The following FAM237A variants were observed in gnomAD, a reference collection of about 807,000 sequenced individuals.
FAM237A encodes family with sequence similarity 237 member A.
Under a neutral mutation model 12.5 loss-of-function variants are expected in FAM237A, and 14 were observed. The ratio of observed to expected loss-of-function variants is 1.12; its 90% CI spans 0.74 to 1.75. The LOEUF (loss-of-function observed/expected upper bound fraction) is 1.75. Ranked by LOEUF, FAM237A falls within the 40% of genes most tolerant of loss-of-function variation. The probability of loss-of-function intolerance (pLI) is 0.00; values close to 1 mark genes in which losing one functional copy is unlikely to be tolerated. For synonymous variants in FAM237A, 85 were observed against 77.5 expected, an observed-to-expected ratio of 1.10 and a Z score of -0.51; for missense variants, 240 against 211.7, an observed-to-expected ratio of 1.13 and a Z score of -0.83.
intron 2 of FAM237A, among the ~76,000 whole-genome samples, chr2:206,646,830 A>G (rs1351821395): frequency 6.6e-6 from 1 of 152,176 alleles, no homozygotes; most frequent in Non-Finnish European, 1.5e-5. Flanking sequence ...GGATCCTCCA[A>G]TATTTTTTTT....
chr2:206,645,792 T>C (rs1699310147), intron 2 of FAM237A, among the ~76,000 whole-genome samples: 1 of 152,236 alleles, frequency 6.6e-6, no homozygotes, highest in African/African-American at 2.4e-5. Flanking sequence ...AGTGTTATTG[T>C]AACTCAAACC....
chr2:206,647,789 C>G (rs904538747), intron 2 of FAM237A, among the ~76,000 whole-genome samples: 1 of 151,982 alleles, frequency 6.6e-6, no homozygotes, highest in African/African-American at 2.4e-5. Context: ...GAAGTACATT[C>G]TTCTTTGTGT....
Position 206,649,322 on chromosome 2 carries a change from C to T in FAM237A, c.*528C>T, listed in dbSNP as rs930298746. 1.3e-5 allele frequency among the ~76,000 whole-genome samples: 2 copies of T among 152,104 alleles called. No homozygotes were observed. Among genetic ancestry groups the T allele is most frequent in the African/African-American group, 4.8e-5 (2 of 41,430 alleles). On this transcript the variant is annotated 3_prime_UTR_variant, in exon 3 of 3. Transcript: ENST00000441223. ...CAAAACAAAAAACTGGCAAATAAAG[C>T]ATTCTTCTAATGAAAACAAAATTAA...
At position 206,648,920 on chromosome 2, in the gene FAM237A, C is replaced by A. The variant is rs1699352108; in HGVS notation, c.*126C>A. On this transcript the variant is annotated 3_prime_UTR_variant, in exon 3 of 3. Coordinates refer to ENST00000441223, the MANE Select transcript of FAM237A (RefSeq NM_001102659.3). ...CCAGAGATAAATATGAACCCAAATTCTCTCAGTATACTAATTTAAAGCTGC... is the reference window on the plus strand; with the variant it reads ...CCAGAGATAAATATGAACCCAAATTATCTCAGTATACTAATTTAAAGCTGC... The A allele has an allele frequency of 6.1e-6, 4 of 651,848 alleles. No homozygotes were observed. The highest frequency in any genetic ancestry group is 9.1e-6 in the Non-Finnish European group (4 of 441,380). The allele number at this position is 651,848 out of a possible 1,614,324, so 40.4% of individuals were successfully genotyped here. A position where few individuals can be genotyped will look rare whatever the true frequency, so the allele number is the denominator to read the frequency against.
intron 2 of FAM237A, among the ~76,000 whole-genome samples, chr2:206,647,524 A>G (rs1699331411): frequency 6.6e-6 from 1 of 152,134 alleles, no homozygotes; most frequent in Non-Finnish European, 1.5e-5. Context: ...AGGTTGAAGT[A>G]TCCAAGAGAA....
At position 206,642,757 on chromosome 2, in the gene FAM237A, C is replaced by G. The variant is rs1022453102; in HGVS notation, c.-11+175C>G. Among the ~76,000 whole-genome samples the G allele has an allele frequency of 1.3e-5, 2 of 152,214 alleles. No homozygotes were observed. The highest frequency in any genetic ancestry group is 2.9e-5 in the Non-Finnish European group (2 of 68,034). The stretch of plus-strand genomic sequence containing the variant: ...CCTTTCCAGGGTCTGGGAAGCCTCT[C>G]CTAAAATTTAGAAGGGGACCTAAAG... On this transcript the variant is annotated intron_variant, in intron 1 of 2. Transcript: ENST00000441223. The surrounding 1 kb of genome is among the most constrained non-coding windows in gnomAD (Gnocchi z 5.1).
intron 2 of FAM237A, among the ~76,000 whole-genome samples, chr2:206,645,939 A>G (rs1419733066): frequency 2.0e-5 from 3 of 151,082 alleles, no homozygotes; most frequent in Non-Finnish European, 2.9e-5. Flanking sequence ...CAGCACCAGT[A>G]CAGACCATGG....
intron 1 of FAM237A, among the ~76,000 whole-genome samples, chr2:206,643,883 C>A (rs1320290714): frequency 3.3e-5 from 5 of 152,162 alleles, no homozygotes; most frequent in African/African-American, 9.7e-5. Context: ...TAAAGCCATG[C>A]AGCAAAATTT....
At chr2:206,643,145 T>A (rs1210927500) in intron 1 of FAM237A, among the ~76,000 whole-genome samples, 3 of 152,200 alleles carry the variant, frequency 2.0e-5, no homozygotes, top group Non-Finnish European at 4.4e-5. Flanking sequence ...CAACTTATGG[T>A]GTTATCATTA....
At chr2:206,645,766 G>A (rs888328586) in intron 2 of FAM237A, among the ~76,000 whole-genome samples, 1 of 152,078 alleles carries the variant, frequency 6.6e-6, no homozygotes, top group Non-Finnish European at 1.5e-5. Context: ...TTACAGATAA[G>A]TTTATTATTT....
intron 2 of FAM237A, among the ~76,000 whole-genome samples, chr2:206,648,333 G>T (rs1006177832): frequency 4.6e-5 from 7 of 151,996 alleles, no homozygotes; most frequent in African/African-American, 1.7e-4. Context: ...ATTTTGAGTG[G>T]TTTACATTTT....
chr2:206,643,761 A>G (rs926868324), intron 1 of FAM237A, among the ~76,000 whole-genome samples: 2 of 152,210 alleles, frequency 1.3e-5, no homozygotes, highest in Non-Finnish European at 2.9e-5. Flanking sequence ...TAAAAAAATT[A>G]AAAGTCACAG....
Position 206,642,546 on chromosome 2 carries a change from C to G in FAM237A, c.-47C>G, listed in dbSNP as rs956021481. 1 of 153,166 alleles carries G rather than the reference C, an allele frequency of 6.5e-6. No individual in the cohort carries two copies. Among genetic ancestry groups the G allele is most frequent in the Non-Finnish European group, 1.5e-5 (1 of 68,818 alleles). The allele number at this position is 153,166 out of a possible 1,614,324, so 9.5% of individuals were successfully genotyped here. On this transcript the variant is annotated 5_prime_UTR_variant, in exon 1 of 3. Transcript: ENST00000441223. This position sits in a 1 kb window ranked among gnomAD's most constrained non-coding sequence, Gnocchi z 5.1. ...AGGCGGGTGAGTGCGGAGGGAAGCC[C>G]TTGTGCCATCTGGGAGTAGAGCCGC... is the stretch of plus-strand genomic sequence containing the variant.
chr2:206,645,708 C>A (rs1699308957), intron 2 of FAM237A, among the ~76,000 whole-genome samples: 2 of 152,206 alleles, frequency 1.3e-5, no homozygotes, highest in South Asian at 4.1e-4. Flanking sequence ...AATTAAAAAT[C>A]CTCATGATTT....
intron 2 of FAM237A, 57 bp downstream of exon 2, chr2:206,644,705 G>A (rs1699296172): frequency 2.1e-6 from 3 of 1,444,306 alleles, no homozygotes; most frequent in Admixed American, 5.5e-5. Context: ...TGAATGTGCT[G>A]AATTGTGAGG....
At chr2:206,647,407 G>A (rs1193218437) in intron 2 of FAM237A, among the ~76,000 whole-genome samples, 1 of 152,108 alleles carries the variant, frequency 6.6e-6, no homozygotes. Flanking sequence ...ACAGTGATTA[G>A]CAGGAACAGA....
At chr2:206,643,831 A>C (rs4673359) in intron 1 of FAM237A, among the ~76,000 whole-genome samples, 12,288 of 152,316 alleles carry the variant, frequency 0.081, 698 homozygotes, top group East Asian at 0.25. Context: ...TATAAGTCCT[A>C]GATTAGGAGA....
At chr2:206,648,530 T>A in intron 2 of FAM237A, 131 bp from the exon 3 acceptor site, 1 of 894,226 alleles carries the variant, frequency 1.1e-6, no homozygotes, top group African/African-American at 1.7e-5. Flanking sequence ...TCCTCTGAAA[T>A]CAATTTATAG....
rs1699351996 is a variant in FAM237A, at chr2:206,648,909, GA to G, written c.*117del. On this transcript the variant is annotated 3_prime_UTR_variant, in exon 3 of 3. Coordinates refer to ENST00000441223, the MANE Select transcript of FAM237A (RefSeq NM_001102659.3). The stretch of plus-strand genomic sequence containing the variant: ...GGTGGGAATGCCCAGAGATAAATAT[GA>G]ACCCAAATTCTCTCAGTATACTAAT... 1.3e-6 allele frequency: 1 copy of G among 788,412 alleles called. No homozygotes were observed. Among genetic ancestry groups the G allele is most frequent in the Non-Finnish European group, 1.8e-6 (1 of 561,278 alleles). The allele number at this position is 788,412 out of a possible 1,614,324, so 48.8% of individuals were successfully genotyped here.
Sources: allele counts gnomAD v4.1 joint callset (sites outside exome capture counted in the v4.1 genomes callset), GRCh38; gene constraint gnomAD v4.1.1; non-coding constraint Gnocchi (gnomAD v3.1); transcripts MANE v1.5; gene names NCBI Gene and HGNC (gene_info 2026-07-23, HGNC 2026-07-21).